Variants in GUCY2F observed in about 807,000 individuals in gnomAD.
The protein encoded by GUCY2F is retinal guanylyl cyclase 2.
A neutral mutation model predicts 73.1 loss-of-function variants in GUCY2F; 61 were observed. That is an observed-to-expected ratio of 0.83 (90% confidence interval 0.68 to 1.03). GUCY2F has a LOEUF of 1.03. GUCY2F is among the 50% of genes least tolerant of loss of function. The probability of loss-of-function intolerance (pLI) is 0.00; values close to 1 mark genes in which losing one functional copy is unlikely to be tolerated. For missense variants in GUCY2F, 912 were observed against 854.3 expected (o/e 1.07, Z -0.84); for synonymous variants, 331 against 307.8 (o/e 1.08, Z -0.79).
chrX:109,382,273 A>G (rs1930335567), intron 16 of GUCY2F, 61 bp from the exon 17 acceptor site: 2 of 624,493 alleles, frequency 3.2e-6, no homozygotes, highest in Non-Finnish European at 5.4e-6. Context: ...TAATGAGAAA[A>G]TGTCAATGTA....
rs1291116080 is a variant in GUCY2F at position 109,385,176 on chromosome X, G to A, written c.3055+8C>T. 1 of 998,765 alleles carries A rather than the reference G, an allele frequency of 1.0e-6. No homozygotes were observed. Among genetic ancestry groups the A allele is most frequent in the South Asian group, 2.0e-5 (1 of 50,650 alleles). 82.3% of individuals were successfully genotyped at this position (998,765 alleles called of 1,213,427 possible). A position where few individuals can be genotyped will look rare whatever the true frequency, so the allele number is the denominator to read the frequency against. On this transcript the variant is annotated splice_region_variant and intron_variant, in intron 16 of 19. Coordinates refer to ENST00000218006, the MANE Select transcript of GUCY2F (RefSeq NM_001522.3). The stretch of plus-strand genomic sequence containing the variant: ...GCCATCCTATCCATCTCTCTATTAG[G>A]TACTCACGTAAGCCTGTAGATTCCA...
intron 16 of GUCY2F, among the ~76,000 whole-genome samples, chrX:109,383,619 C>A (rs1216806693): frequency 8.9e-6 from 1 of 112,046 alleles, no homozygotes; most frequent in Non-Finnish European, 1.9e-5. Context: ...AGCACATTAA[C>A]CAGCTCCTTT....
At chrX:109,440,400 A>C (rs1931841804) in intron 7 of GUCY2F, among the ~76,000 whole-genome samples, 1 of 112,319 alleles carries the variant, frequency 8.9e-6, no homozygotes, top group Admixed American at 9.4e-5. Context: ...TTGGCCATTA[A>C]GTTTCAACAC....
chrX:109,416,731 C>T (rs897033786), intron 8 of GUCY2F, among the ~76,000 whole-genome samples: 6 of 110,757 alleles, frequency 5.4e-5, no homozygotes, highest in African/African-American at 2.0e-4. Flanking sequence ...CAAACTCCTA[C>T]AATCCAAAGA....
At chrX:109,405,900 A>G (rs1469682548) in intron 9 of GUCY2F, among the ~76,000 whole-genome samples, 2 of 111,438 alleles carry the variant, frequency 1.8e-5, no homozygotes, top group East Asian at 5.6e-4. Context: ...TGTGCCAGAC[A>G]CTCTATAACA....
intron 16 of GUCY2F, among the ~76,000 whole-genome samples, chrX:109,383,824 G>A (rs1002670444): frequency 2.7e-5 from 3 of 112,145 alleles, no homozygotes; most frequent in Non-Finnish European, 3.8e-5. Flanking sequence ...TGAAATGTGT[G>A]GAGTTTTCCC....
chrX:109,427,136 C>G (rs1931507566), intron 8 of GUCY2F, among the ~76,000 whole-genome samples: 1 of 112,073 alleles, frequency 8.9e-6, no homozygotes, highest in South Asian at 3.7e-4. Context: ...AACAGCCCCA[C>G]TGGAGAAGAA....
intron 6 of GUCY2F, among the ~76,000 whole-genome samples, chrX:109,443,923 A>C (rs896101301): frequency 5.3e-5 from 6 of 112,434 alleles, no homozygotes; most frequent in Non-Finnish European, 9.4e-5. Flanking sequence ...ACATCCTGTC[A>C]CAAAAGTGAA....
intron 3 of GUCY2F, among the ~76,000 whole-genome samples, chrX:109,461,696 C>T (rs1932365264): frequency 8.9e-6 from 1 of 112,267 alleles, no homozygotes; most frequent in Non-Finnish European, 1.9e-5. Context: ...GGTGTAACTA[C>T]TACTATCATG....
intron 3 of GUCY2F, among the ~76,000 whole-genome samples, chrX:109,458,314 T>C (rs750445861): frequency 8.9e-6 from 1 of 112,039 alleles, no homozygotes; most frequent in Admixed American, 9.5e-5. Context: ...ATCCCAGCTC[T>C]GCCACTTCCC....
chrX:109,416,194 C>A (rs1181309930), intron 8 of GUCY2F, among the ~76,000 whole-genome samples: 2 of 107,349 alleles, frequency 1.9e-5, no homozygotes, highest in South Asian at 7.7e-4. Flanking sequence ...GTGACCCATA[C>A]TCCAGGAAAA....
intron 7 of GUCY2F, among the ~76,000 whole-genome samples, chrX:109,439,661 C>T (rs1327139163): frequency 9.0e-6 from 1 of 111,617 alleles, no homozygotes; most frequent in Non-Finnish European, 1.9e-5. Flanking sequence ...ACCAAAAATC[C>T]TCATTCATTG....
intron 3 of GUCY2F, among the ~76,000 whole-genome samples, chrX:109,455,637 C>T (rs1037506364): frequency 6.3e-5 from 7 of 111,154 alleles, no homozygotes; most frequent in Middle Eastern, 4.2e-3. Context: ...TTTAAGGGTT[C>T]TTCATCTCGC....
chrX:109,423,706 T>A (rs1361915314), intron 8 of GUCY2F, among the ~76,000 whole-genome samples: 1 of 105,935 alleles, frequency 9.4e-6, no homozygotes, highest in Non-Finnish European at 1.9e-5. Context: ...AAGTGGTTTT[T>A]ATTAAAAAAA....
chrX:109,412,586 G>T (rs1931137808), intron 8 of GUCY2F, among the ~76,000 whole-genome samples: 1 of 112,308 alleles, frequency 8.9e-6, no homozygotes, highest in Admixed American at 9.4e-5. Flanking sequence ...AAACTACTGG[G>T]CTCTGGAACT....
chrX:109,406,394 G>C (rs962032828), intron 9 of GUCY2F, among the ~76,000 whole-genome samples: 2 of 111,663 alleles, frequency 1.8e-5, no homozygotes, highest in African/African-American at 6.5e-5. Context: ...AAATAATCTG[G>C]GAATGAGCAC....
intron 7 of GUCY2F, among the ~76,000 whole-genome samples, chrX:109,440,032 A>AT (rs767933790): frequency 8.9e-6 from 1 of 112,056 alleles, no homozygotes; most frequent in South Asian, 3.8e-4. Flanking sequence ...AGTTTTAGGT[A>AT]TTTTTTTGTA....
chrX:109,402,274 G>C (rs1052161732), intron 10 of GUCY2F, among the ~76,000 whole-genome samples: 3 of 110,853 alleles, frequency 2.7e-5, no homozygotes, highest in Non-Finnish European at 5.7e-5. Context: ...CCAGAAAAGA[G>C]AGCCCTGCAG....
intron 14 of GUCY2F, among the ~76,000 whole-genome samples, chrX:109,391,707 T>C (rs911355334): frequency 5.4e-5 from 6 of 112,013 alleles, no homozygotes; most frequent in African/African-American, 1.9e-4. Context: ...GGTTGAAAGT[T>C]GCTATTTTGT....
Sources: allele counts gnomAD v4.1 joint callset (sites outside exome capture counted in the v4.1 genomes callset), GRCh38; gene constraint gnomAD v4.1.1; transcripts MANE v1.5; gene names NCBI Gene and HGNC (gene_info 2026-07-23, HGNC 2026-07-21).